C4orf33: variants seen among roughly 807,000 people sequenced by gnomAD.
C4orf33 encodes the protein chromosome 4 open reading frame 33.
C4orf33 carries 20 observed loss-of-function variants against 24.3 expected under a neutral mutation model. The ratio of observed to expected loss-of-function variants is 0.82; its 90% CI spans 0.58 to 1.19. The LOEUF (loss-of-function observed/expected upper bound fraction) is 1.19, where lower values mean the gene tolerates loss of function less well. C4orf33 is among the 50% of genes most tolerant of loss of function. The pLI, the probability that C4orf33 is intolerant of heterozygous loss-of-function variation, is 0.00. For missense variants in C4orf33, 207 were observed against 225.9 expected (o/e 0.92, Z 0.54); for synonymous variants, 67 against 76.4 (o/e 0.88, Z 0.64).
chr4:129,097,691 G>A (rs563344405), intron 1 of C4orf33, among the ~76,000 whole-genome samples: 1 of 152,148 alleles, frequency 6.6e-6, no homozygotes, highest in Non-Finnish European at 1.5e-5. Flanking sequence ...GTAACTCCTA[G>A]AACTAGACTT....
At chr4:129,109,027 C>T (rs1753602064) in intron 3 of C4orf33, among the ~76,000 whole-genome samples, 1 of 152,148 alleles carries the variant, frequency 6.6e-6, no homozygotes, top group African/African-American at 2.4e-5. Flanking sequence ...GCTGGGACTA[C>T]AGGCACACGC....
chr4:129,094,417 G>A (rs1007224364), upstream of C4orf33, among the ~76,000 whole-genome samples: 1 of 152,180 alleles, frequency 6.6e-6, no homozygotes, highest in Non-Finnish European at 1.5e-5. Context: ...TTTATGGACT[G>A]AAGTAAAGTT....
chr4:129,109,316 G>A lies in C4orf33; in HGVS notation c.252G>A (p.Gln84=), dbSNP rs1753614853. Residue 84 remains glutamine, a synonymous_variant, in exon 4 of 6, where the codon CAG becomes CAA. Coordinates refer to ENST00000425929, the MANE Select transcript of C4orf33 (RefSeq NM_001099783.2). The part of the protein sequence containing the change: ...YLEVELCPHG[Q]HLVLLLSGRR... ...ATCTTAATTTTGACAGCCACGGACA[G>A]CATTTAGTGCTTTTACTTTCTGGAA... 3 of 1,613,878 alleles carry A rather than the reference G, an allele frequency of 1.9e-6. No homozygotes were observed. Among genetic ancestry groups the A allele is most frequent in the African/African-American group, 2.7e-5 (2 of 74,936 alleles).
chr4:129,106,947 A>T (rs1461247482), intron 3 of C4orf33, among the ~76,000 whole-genome samples: 1 of 151,990 alleles, frequency 6.6e-6, no homozygotes, highest in Non-Finnish European at 1.5e-5. Flanking sequence ...AAAAGTCATT[A>T]TAAAACAAAA....
intron 3 of C4orf33, among the ~76,000 whole-genome samples, chr4:129,107,757 C>T (rs910233712): frequency 1.3e-5 from 2 of 151,930 alleles, no homozygotes; most frequent in Admixed American, 1.3e-4. Flanking sequence ...GGTGAGAAAA[C>T]TAAGGCAAAC....
intron 5 of C4orf33, chr4:129,110,096 C>G (rs72927936): frequency 4.2e-6 from 3 of 714,470 alleles, no homozygotes; most frequent in Non-Finnish European, 5.2e-6. Context: ...CTTCTGGTAA[C>G]CTCATAAGGA....
At chr4:129,104,138 A>G (rs1034454399) in intron 2 of C4orf33, among the ~76,000 whole-genome samples, 10 of 152,142 alleles carry the variant, frequency 6.6e-5, no homozygotes, top group African/African-American at 9.7e-5. Context: ...TAAATCACCA[A>G]ATCTAAAAAA....
rs755773616 is a variant in C4orf33, at chr4:129,109,564, T to G, written c.386T>G (p.Val129Gly). 1.2e-6 allele frequency: 2 copies of G among 1,613,824 alleles called. No individual in the cohort carries two copies. ...CCTTGGAGTTATTTTCCACCAAATGTGACAAAATTCAATTCATTTGCAATT... is the reference window on the plus strand; with the variant it reads ...CCTTGGAGTTATTTTCCACCAAATGGGACAAAATTCAATTCATTTGCAATT... ...YLPWSYFPPN[V>G]TKFNSFAIHG... is the part of the protein sequence containing the mutation. The change falls in exon 5 of 6, where the codon GTG becomes GGG. Residue 129 changes from valine (V) to glycine (G), a missense_variant. Transcript: ENST00000425929.
At position 129,114,929 on chromosome 4, in the gene C4orf33, C is replaced by T. The variant is rs1045301886; in HGVS notation, c.*3138C>T. ...TCAAGTGGTAATCTTAAATGGGCAACTGTAGCAACCACAGCCTGACAAGGT... is the reference window on the plus strand; with the variant it reads ...TCAAGTGGTAATCTTAAATGGGCAATTGTAGCAACCACAGCCTGACAAGGT... On this transcript the variant is annotated 3_prime_UTR_variant, in exon 6 of 6. Coordinates refer to ENST00000425929, the MANE Select transcript of C4orf33 (RefSeq NM_001099783.2). 2 of 152,202 alleles carry T rather than the reference C, an allele frequency of 1.3e-5. No individual in the cohort carries two copies. The highest frequency in any genetic ancestry group is 2.9e-5 in the Non-Finnish European group (2 of 68,074). 9.4% of individuals were successfully genotyped at this position (152,202 alleles called of 1,614,324 possible).
rs922934140 is a variant in C4orf33 at position 129,115,979 on chromosome 4, C to A, written c.*4188C>A. 4.0e-5 allele frequency: 6 copies of A among 150,978 alleles called. No individual in the cohort carries two copies. Among genetic ancestry groups the A allele is most frequent in the Admixed American group, 2.0e-4 (3 of 15,140 alleles). The allele number at this position is 150,978 out of a possible 1,614,324, so 9.4% of individuals were successfully genotyped here. A position where few individuals can be genotyped will look rare whatever the true frequency, so the allele number is the denominator to read the frequency against. Reference sequence around the variant, plus strand: ...CTTATCTTAATTTGCTCTGAAAGAGCAAAACTTATAAAATTGACTATTGTA... The same window carrying A: ...CTTATCTTAATTTGCTCTGAAAGAGAAAAACTTATAAAATTGACTATTGTA... On this transcript the variant is annotated 3_prime_UTR_variant, in exon 6 of 6. Coordinates refer to ENST00000425929, the MANE Select transcript of C4orf33 (RefSeq NM_001099783.2).
chr4:129,101,206 G>T (rs1158377212), intron 1 of C4orf33, among the ~76,000 whole-genome samples: 3 of 152,098 alleles, frequency 2.0e-5, no homozygotes, highest in Non-Finnish European at 4.4e-5. Context: ...TTAGAGAAAG[G>T]TTTTTAGAGG....
chr4:129,103,759 AG>A (rs1456576902), intron 2 of C4orf33, among the ~76,000 whole-genome samples: 2 of 152,144 alleles, frequency 1.3e-5, no homozygotes, highest in African/African-American at 4.8e-5. Flanking sequence ...TTCAACCAAA[AG>A]CTCTTAACCT....
chr4:129,102,867 T>A, intron 2 of C4orf33, 76 bp downstream of exon 2: 1 of 1,370,646 alleles, frequency 7.3e-7, no homozygotes, highest in South Asian at 1.4e-5. Context: ...TTATTTTATC[T>A]TGCTGTTGGG....
At chr4:129,109,234 C>T in intron 3 of C4orf33, 73 bp from the exon 4 acceptor site, 1 of 1,352,798 alleles carries the variant, frequency 7.4e-7, no homozygotes, top group Non-Finnish European at 1.1e-6. Flanking sequence ...ACACACATTC[C>T]ATGTATAAAG....
chr4:129,106,964 ATTAT>A (rs1311621856), intron 3 of C4orf33, among the ~76,000 whole-genome samples: 1 of 151,948 alleles, frequency 6.6e-6, no homozygotes, highest in East Asian at 1.9e-4. Context: ...AAAAACTCTC[ATTAT>A]TTACGCAATA....
intron 1 of C4orf33, among the ~76,000 whole-genome samples, chr4:129,101,691 A>G (rs970426982): frequency 6.6e-6 from 1 of 152,196 alleles, no homozygotes; most frequent in Non-Finnish European, 1.5e-5. Flanking sequence ...AAAATGCCCA[A>G]TCCATAGTAT....
At position 129,113,776 on chromosome 4, in the gene C4orf33, A is replaced by G. The variant is rs979813641; in HGVS notation, c.*1985A>G. The G allele has an allele frequency of 2.6e-5, 4 of 151,458 alleles. No homozygotes were observed. The highest frequency in any genetic ancestry group is 9.7e-5 in the African/African-American group (4 of 41,296). The allele number at this position is 151,458 out of a possible 1,614,324, so 9.4% of individuals were successfully genotyped here. On this transcript the variant is annotated 3_prime_UTR_variant, in exon 6 of 6. Transcript: ENST00000425929. Reference sequence around the variant, plus strand: ...TAAAAAGGTTTTTTGCCACAGGAAAAAAAACATTTAATTTCCCCTCCTTCT... The same window carrying G: ...TAAAAAGGTTTTTTGCCACAGGAAAGAAAACATTTAATTTCCCCTCCTTCT...
chr4:129,094,800 A>T (rs536487313), upstream of C4orf33, among the ~76,000 whole-genome samples: 9 of 152,298 alleles, frequency 5.9e-5, no homozygotes, highest in African/African-American at 1.9e-4. Context: ...GGGAAAATTG[A>T]GTGTGCAAGG....
At chr4:129,108,213 T>A (rs931810093) in intron 3 of C4orf33, among the ~76,000 whole-genome samples, 1 of 152,160 alleles carries the variant, frequency 6.6e-6, no homozygotes, top group Non-Finnish European at 1.5e-5. Flanking sequence ...TAGAATAGTT[T>A]ACTGAAGGAA....
Sources: gnomAD v4.1 joint callset for allele counts (sites outside exome capture counted in the v4.1 genomes callset) on GRCh38, gnomAD v4.1.1 for gene constraint, MANE v1.5 for transcripts, NCBI Gene and HGNC (gene_info 2026-07-23, HGNC 2026-07-21) for gene names.